The following LRRC28 variants were observed in gnomAD, a reference collection of about 807,000 sequenced individuals.
LRRC28 encodes leucine-rich repeat-containing protein 28.
In LRRC28, 39 loss-of-function variants were observed where a neutral mutation model predicts 45.7. The ratio of observed to expected loss-of-function variants is 0.85; its 90% confidence interval spans 0.66 to 1.12. LRRC28 has a LOEUF of 1.12. Ranked by LOEUF, LRRC28 falls within the 50% of genes most tolerant of loss-of-function variation. The pLI is 0.00. For missense variants in LRRC28, 435 were observed against 438.5 expected, an observed-to-expected ratio of 0.99 and a Z score of 0.07; for synonymous variants, 206 against 178.8, an observed-to-expected ratio of 1.15 and a Z score of -1.22.
Position 99,387,085 on chromosome 15 carries a change from G to C in LRRC28, c.*983G>C, listed in dbSNP as rs1958020884. 6.6e-6 allele frequency: 1 copy of C among 151,944 alleles called. No individual in the cohort carries two copies. Among genetic ancestry groups the C allele is most frequent in the South Asian group, 2.1e-4 (1 of 4,780 alleles). 9.4% of individuals were successfully genotyped at this position (151,944 alleles called of 1,614,324 possible). On this transcript the variant is annotated 3_prime_UTR_variant, in exon 10 of 10. Transcript: ENST00000301981. ...GTTTTTTTTTGTTGTTGTTGAGACGGAGTCTCGCTCTGTCGCCCAGGCTGG... is the reference window on the plus strand; with the variant it reads ...GTTTTTTTTTGTTGTTGTTGAGACGCAGTCTCGCTCTGTCGCCCAGGCTGG...
intron 6 of LRRC28, among the ~76,000 whole-genome samples, chr15:99,340,751 A>G: frequency 6.6e-6 from 1 of 152,216 alleles, no homozygotes; most frequent in Middle Eastern, 3.2e-3. Context: ...GAAAGGTGTG[A>G]TAGCTGCTTT....
intron 3 of LRRC28, among the ~76,000 whole-genome samples, chr15:99,282,017 C>T (rs1195075027): frequency 6.6e-6 from 1 of 151,930 alleles, no homozygotes; most frequent in Admixed American, 6.6e-5. Context: ...GTCTTGAATT[C>T]TTGTCCTCAA....
chr15:99,290,734 T>G (rs757124904), intron 5 of LRRC28, among the ~76,000 whole-genome samples: 31 of 152,194 alleles, frequency 2.0e-4, no homozygotes, highest in Non-Finnish European at 4.4e-4. Flanking sequence ...AGGATCAGGA[T>G]CGCTTGAAGC....
At chr15:99,301,925 C>T (rs926191956) in intron 5 of LRRC28, among the ~76,000 whole-genome samples, 10 of 151,920 alleles carry the variant, frequency 6.6e-5, no homozygotes, top group Admixed American at 5.2e-4. Flanking sequence ...GTGTTCCATA[C>T]ATCACTTTTT....
chr15:99,266,851 T>G (rs191501763), intron 2 of LRRC28, among the ~76,000 whole-genome samples: 1 of 152,228 alleles, frequency 6.6e-6, no homozygotes, highest in African/African-American at 2.4e-5. Context: ...AATCCTGTGA[T>G]GTAGGCACTA....
chr15:99,290,554 A>C (rs910373015), intron 5 of LRRC28, among the ~76,000 whole-genome samples: 1 of 152,152 alleles, frequency 6.6e-6, no homozygotes, highest in African/African-American at 2.4e-5. Flanking sequence ...CATTTTCCTA[A>C]CATTTTCCTA....
chr15:99,262,268 G>A (rs893210094), intron 2 of LRRC28, among the ~76,000 whole-genome samples: 1 of 151,978 alleles, frequency 6.6e-6, no homozygotes, highest in Non-Finnish European at 1.5e-5. Context: ...GGTCTAAAGG[G>A]TAGACATGTT....
intron 5 of LRRC28, among the ~76,000 whole-genome samples, chr15:99,317,890 A>G (rs755711662): frequency 6.6e-6 from 1 of 152,114 alleles, no homozygotes; most frequent in Non-Finnish European, 1.5e-5. Flanking sequence ...CTTCCTTCCT[A>G]TTATTGAGGA....
chr15:99,270,466 C>A (rs939343412), intron 2 of LRRC28, among the ~76,000 whole-genome samples: 2 of 151,030 alleles, frequency 1.3e-5, no homozygotes, highest in Non-Finnish European at 2.9e-5. Context: ...CCCTGGTAAC[C>A]AGCAATCTGT....
rs765668104 is a variant in LRRC28, at chr15:99,386,120, C to T, written c.*18C>T. 5 of 1,607,536 alleles carry T rather than the reference C, an allele frequency of 3.1e-6. No individual in the cohort carries two copies. The Admixed American group carries it at 5.0e-5, about 16-fold the overall frequency. On this transcript the variant is annotated 3_prime_UTR_variant, in exon 10 of 10. Coordinates refer to ENST00000301981, the MANE Select transcript of LRRC28 (RefSeq NM_144598.5). Reference sequence around the variant, plus strand: ...TGAGTTGATAAACACTCAAGAACCTCAGGAGCGCTGCCAGCTTGACACTGG... The same window carrying T: ...TGAGTTGATAAACACTCAAGAACCTTAGGAGCGCTGCCAGCTTGACACTGG...
At chr15:99,370,043 G>A (rs1162944211) in intron 9 of LRRC28, among the ~76,000 whole-genome samples, 3 of 152,204 alleles carry the variant, frequency 2.0e-5, no homozygotes, top group Non-Finnish European at 4.4e-5. Context: ...CTATCATTAA[G>A]TTGAATCATA....
intron 7 of LRRC28, among the ~76,000 whole-genome samples, chr15:99,357,997 T>TG (rs1957093621): frequency 6.6e-6 from 1 of 152,016 alleles, no homozygotes; most frequent in Non-Finnish European, 1.5e-5. Context: ...TTATAAATAC[T>TG]GGGAAAAAAA....
intron 5 of LRRC28, among the ~76,000 whole-genome samples, chr15:99,313,447 C>T (rs762146428): frequency 6.6e-6 from 1 of 151,998 alleles, no homozygotes; most frequent in Non-Finnish European, 1.5e-5. Context: ...ACTCTCCACT[C>T]AACACAAGCA....
chr15:99,388,595 A>G lies in LRRC28; in HGVS notation c.*2493A>G, dbSNP rs1958098282. On this transcript the variant is annotated 3_prime_UTR_variant, in exon 10 of 10. Coordinates refer to ENST00000301981, the MANE Select transcript of LRRC28 (RefSeq NM_144598.5). ...TATCGATGTCATTCTTAATCTTTTG[A>G]TACTATAAAGGAGTCTTACCAACTG... is the stretch of plus-strand genomic sequence containing the variant. 2 of 152,212 alleles carry G rather than the reference A, an allele frequency of 1.3e-5. No individual in the cohort carries two copies. The highest frequency in any genetic ancestry group is 1.3e-4 in the Admixed American group (2 of 15,276). 9.4% of individuals were successfully genotyped at this position (152,212 alleles called of 1,614,324 possible).
intron 2 of LRRC28, among the ~76,000 whole-genome samples, chr15:99,269,823 T>C (rs1390887123): frequency 3.3e-5 from 5 of 152,336 alleles, no homozygotes; most frequent in East Asian, 1.9e-4. Context: ...ACACAGATAA[T>C]GTTTCCATCA....
intron 6 of LRRC28, 30 bp from the exon 7 acceptor site, chr15:99,352,339 G>A: frequency 6.9e-7 from 1 of 1,449,342 alleles, no homozygotes; most frequent in Non-Finnish European, 9.7e-7. Context: ...CCTGTATATA[G>A]GAATTACAGC....
intron 1 of LRRC28, among the ~76,000 whole-genome samples, chr15:99,254,415 T>C (rs747454329): frequency 1.3e-4 from 20 of 152,366 alleles, no homozygotes; most frequent in Non-Finnish European, 1.2e-4. Context: ...TGAAAGCTTA[T>C]GTTGCTGCCT....
At chr15:99,315,066 T>C (rs1955546350) in intron 5 of LRRC28, among the ~76,000 whole-genome samples, 1 of 152,160 alleles carries the variant, frequency 6.6e-6, no homozygotes, top group Non-Finnish European at 1.5e-5. Context: ...TAGTAAAAGC[T>C]AGAAAATGTT....
At chr15:99,353,368 C>T (rs924474967) in intron 7 of LRRC28, among the ~76,000 whole-genome samples, 3 of 152,176 alleles carry the variant, frequency 2.0e-5, no homozygotes, top group South Asian at 2.1e-4. Flanking sequence ...GACAGCCATT[C>T]CCCCCGTTGG....
Sources: gnomAD v4.1 joint callset for allele counts (sites outside exome capture counted in the v4.1 genomes callset) on GRCh38, gnomAD v4.1.1 for gene constraint, MANE v1.5 for transcripts, NCBI Gene and HGNC (gene_info 2026-07-23, HGNC 2026-07-21) for gene names.